INPP5D: variants seen among roughly 807,000 people sequenced by gnomAD.
The protein encoded by INPP5D is phosphatidylinositol 3,4,5-trisphosphate 5-phosphatase 1.
INPP5D carries 33 observed loss-of-function variants against 122.9 expected under a neutral mutation model. The observed-to-expected ratio is 0.27, with a 90% CI of 0.20 to 0.36. The LOEUF (loss-of-function observed/expected upper bound fraction) is 0.36, where lower values mean the gene tolerates loss of function less well. Among genes scored for constraint, INPP5D ranks in the 10% least tolerant of loss-of-function variants. The pLI, the probability that INPP5D is intolerant of heterozygous loss-of-function variation, is 1.00. For missense variants in INPP5D, 1,053 were observed against 1,412.7 expected, an observed-to-expected ratio of 0.75 and a Z score of 4.08; for synonymous variants, 584 against 576.2, an observed-to-expected ratio of 1.01 and a Z score of -0.19.
intron 2 of INPP5D, among the ~76,000 whole-genome samples, chr2:233,121,109 CTTTCTTTCTTTCTTTTTTTTT>C (rs1692957368): frequency 1.5e-5 from 2 of 132,650 alleles, no homozygotes; most frequent in Non-Finnish European, 3.1e-5. Context: ...TTCTTTCTTT[CTTTCTTTCTTTCTTTTTTTTT>C]TTTCTTTTTT....
intron 2 of INPP5D, among the ~76,000 whole-genome samples, chr2:233,091,958 G>A (rs1692005093): frequency 6.6e-6 from 1 of 152,218 alleles, no homozygotes; most frequent in Admixed American, 6.5e-5. Flanking sequence ...CTGCATGATT[G>A]AATGAAGGAG....
chr2:233,144,135 C>T (rs1221713772), intron 6 of INPP5D, among the ~76,000 whole-genome samples: 8,548 of 121,742 alleles, frequency 0.07, 549 homozygotes, highest in East Asian at 0.23. Flanking sequence ...GTCATGATCA[C>T]GGTGGGTCTG....
Position 233,160,432 on chromosome 2 carries a change from T to C in INPP5D, c.1138-1292T>C, listed in dbSNP as rs1694172069. ...CTATGAAAGCCTTCATGTCCTCTCT[T>C]CTTTTTAATTAGTTTCTTTAATTTA... is the stretch of plus-strand genomic sequence containing the variant. On this transcript the variant is annotated intron_variant, in intron 10 of 26. Transcript: ENST00000445964. The surrounding 1 kb of genome is among the most constrained non-coding windows in gnomAD (Gnocchi z 4.2). Among the ~76,000 whole-genome samples the C allele has an allele frequency of 6.6e-6, 1 of 152,250 alleles. No homozygotes were observed. Among genetic ancestry groups the C allele is most frequent in the Non-Finnish European group, 1.5e-5 (1 of 68,028 alleles).
intron 10 of INPP5D, among the ~76,000 whole-genome samples, chr2:233,158,776 T>C (rs1294308319): frequency 6.6e-6 from 1 of 152,034 alleles, no homozygotes; most frequent in African/African-American, 2.4e-5. Flanking sequence ...GATTGATTGA[T>C]TGATTGATTG....
intron 20 of INPP5D, 122 bp downstream of exon 20, chr2:233,184,643 G>A: frequency 7.3e-7 from 1 of 1,378,460 alleles, no homozygotes; most frequent in East Asian, 2.5e-5. Context: ...AAGCTGATCA[G>A]AGAAGTGGGG....
chr2:233,155,977 T>C (rs147595122), intron 9 of INPP5D, among the ~76,000 whole-genome samples: 26,222 of 152,056 alleles, frequency 0.17, 4,149 homozygotes, highest in African/African-American at 0.42. Context: ...CAAGACCCAG[T>C]GGATGATCAT....
intron 13 of INPP5D, chr2:233,169,050 G>A (rs891801313): frequency 1.5e-5 from 7 of 472,472 alleles, no homozygotes; most frequent in African/African-American, 3.9e-5. Context: ...AGAGAGAGAT[G>A]CCGGGGGAGG....
chr2:233,173,134 G>A (rs371406301), intron 17 of INPP5D, among the ~76,000 whole-genome samples: 2 of 151,842 alleles, frequency 1.3e-5, no homozygotes, highest in Non-Finnish European at 2.9e-5. Context: ...GCTTGAACCC[G>A]GGAGATGGAA....
chr2:233,114,453 C>G (rs1238498603), intron 2 of INPP5D, among the ~76,000 whole-genome samples: 6 of 152,204 alleles, frequency 3.9e-5, no homozygotes, highest in South Asian at 2.1e-4. Context: ...GGCCCCCATC[C>G]CTAGTAAGAG....
At chr2:233,203,473 A>G (rs1325255003) in intron 25 of INPP5D, among the ~76,000 whole-genome samples, 1 of 152,196 alleles carries the variant, frequency 6.6e-6, no homozygotes, top group Non-Finnish European at 1.5e-5. Context: ...TATAGTGGAA[A>G]AGGTCCCAGG....
chr2:233,200,707 C>T (rs2106327834), intron 25 of INPP5D, among the ~76,000 whole-genome samples: 1 of 152,186 alleles, frequency 6.6e-6, no homozygotes, highest in South Asian at 2.1e-4. Context: ...GCCTGTAATC[C>T]CAGCACTTTG....
chr2:233,167,142 G>T (rs561333409), intron 13 of INPP5D, among the ~76,000 whole-genome samples: 1 of 151,108 alleles, frequency 6.6e-6, no homozygotes, highest in African/African-American at 2.4e-5. Flanking sequence ...AGGCCAAGGT[G>T]GGAGGACCTC....
Position 233,189,761 on chromosome 2 carries a change from T to A in INPP5D, c.2359-89T>A. 1 of 1,548,472 alleles carries A rather than the reference T, an allele frequency of 6.5e-7. No individual in the cohort carries two copies. The highest frequency in any genetic ancestry group is 8.7e-7 in the Non-Finnish European group (1 of 1,147,866). ...TTTAGATCTGATTACTAAGAACACC[T>A]TTCGTCATCTTCATCCACTTGTCCA... On this transcript the variant is annotated intron_variant, in intron 21 of 26. Coordinates refer to ENST00000445964, the MANE Select transcript of INPP5D (RefSeq NM_001017915.3). This position sits in a 1 kb window ranked among gnomAD's most constrained non-coding sequence, Gnocchi z 5.6.
intron 1 of INPP5D, among the ~76,000 whole-genome samples, chr2:233,074,318 C>G (rs1464902435): frequency 6.6e-6 from 1 of 152,152 alleles, no homozygotes; most frequent in Non-Finnish European, 1.5e-5. Flanking sequence ...GAGTAGCTGT[C>G]AGACGAGGAA....
intron 3 of INPP5D, among the ~76,000 whole-genome samples, chr2:233,125,149 G>A (rs1693119902): frequency 6.6e-6 from 1 of 152,272 alleles, no homozygotes; most frequent in East Asian, 1.9e-4. Flanking sequence ...CCCAGGCCAA[G>A]TTCAAGTCAT....
intron 2 of INPP5D, among the ~76,000 whole-genome samples, chr2:233,079,755 G>A (rs566838154): frequency 6.6e-6 from 1 of 152,278 alleles, no homozygotes; most frequent in East Asian, 1.9e-4. Flanking sequence ...GGCTCAGGAG[G>A]GAGAGAAGGG....
At position 233,138,874 on chromosome 2, in the gene INPP5D, T is replaced by C. The variant is rs938882666; in HGVS notation, c.666-968T>C. ...CACTCTCCTGCCTCAGTCTTCCGAG[T>C]AGCTGGAACTACAGGAGCCCGCCAC... On this transcript the variant is annotated intron_variant, in intron 5 of 26. Coordinates refer to ENST00000445964, the MANE Select transcript of INPP5D (RefSeq NM_001017915.3). 2.6e-5 allele frequency among the ~76,000 whole-genome samples: 4 copies of C among 151,722 alleles called. No homozygotes were observed. The East Asian group carries it at 5.8e-4, about 22-fold the overall frequency.
In INPP5D at chr2:233,090,015, T is replaced by C. The variant is rs369107124; in HGVS notation, c.198+10617T>C. On this transcript the variant is annotated intron_variant, in intron 2 of 26. Coordinates refer to ENST00000445964, the MANE Select transcript of INPP5D (RefSeq NM_001017915.3). ...CCCGCCCAGCGTCCACATCCTCGCA[T>C]TGTGGGGTGGTAGGCGACCCGGTGT... 2.0e-5 allele frequency among the ~76,000 whole-genome samples: 3 copies of C among 152,162 alleles called. No homozygotes were observed. In the East Asian group the frequency reaches 5.8e-4, roughly 29 times the overall value.
chr2:233,079,041 T>C (rs1417663962), intron 1 of INPP5D, among the ~76,000 whole-genome samples: 1 of 152,086 alleles, frequency 6.6e-6, no homozygotes, highest in African/African-American at 2.4e-5. Context: ...AGCCCCTCCA[T>C]GTGGCAGACT....
Sources: gnomAD v4.1 joint callset for allele counts (sites outside exome capture counted in the v4.1 genomes callset) on GRCh38, gnomAD v4.1.1 for gene constraint, Gnocchi (gnomAD v3.1) non-coding constraint, MANE v1.5 for transcripts, NCBI Gene and HGNC (gene_info 2026-07-23, HGNC 2026-07-21) for gene names.